MACROD2: variants seen among roughly 807,000 people sequenced by gnomAD.
MACROD2 encodes mono-ADP ribosylhydrolase 2, also known as ADP-ribose glycohydrolase MACROD2.
A neutral mutation model predicts 70.4 loss-of-function variants in MACROD2; 36 were observed. That is an observed-to-expected ratio of 0.51 (90% CI 0.39 to 0.68). The LOEUF (loss-of-function observed/expected upper bound fraction) is 0.68. Among genes scored for constraint, MACROD2 ranks in the 30% least tolerant of loss-of-function variants. The pLI, the probability that MACROD2 is intolerant of heterozygous loss-of-function variation, is 0.00. For missense variants in MACROD2, 496 were observed against 538.4 expected (o/e 0.92, Z 0.78); for synonymous variants, 172 against 178.8 (o/e 0.96, Z 0.30).
At chr20:15,477,422 A>G (rs1373702541) in intron 7 of MACROD2, among the ~76,000 whole-genome samples, 1 of 152,108 alleles carries the variant, frequency 6.6e-6, no homozygotes, top group East Asian at 1.9e-4. Context: ...CAGATTTTTA[A>G]TGAGGTTTTT....
chr20:16,015,364 G>A (rs1375101276), intron 15 of MACROD2, among the ~76,000 whole-genome samples: 1 of 151,984 alleles, frequency 6.6e-6, no homozygotes, highest in Non-Finnish European at 1.5e-5. Flanking sequence ...ACTGATCTGG[G>A]GAATTGGAGG....
intron 10 of MACROD2, among the ~76,000 whole-genome samples, chr20:15,911,502 G>A (rs557851119): frequency 2.0e-5 from 3 of 151,260 alleles, no homozygotes; most frequent in South Asian, 2.1e-4. Flanking sequence ...TCAGGAAAGC[G>A]TTAACACTAC....
chr20:14,018,181 TAATC>T (rs2053020331), intron 2 of MACROD2, among the ~76,000 whole-genome samples: 1 of 152,158 alleles, frequency 6.6e-6, no homozygotes, highest in African/African-American at 2.4e-5. Context: ...CTTATTTTCT[TAATC>T]AATACAGCTA....
At chr20:15,493,180 G>C (rs554416853) in intron 7 of MACROD2, among the ~76,000 whole-genome samples, 2 of 152,134 alleles carry the variant, frequency 1.3e-5, no homozygotes, top group Non-Finnish European at 2.9e-5. Flanking sequence ...TCTCTAGAGC[G>C]CTGCCTTCTT....
Position 15,697,403 on chromosome 20 carries a change from T to C in MACROD2, c.646-165342T>C, listed in dbSNP as rs376714560. The stretch of plus-strand genomic sequence containing the variant: ...GAGTTGAGTTCCAAATTTATTCCAC[T>C]GTGGTCTGAGAGAGTGCTTGCTATA... On this transcript the variant is annotated intron_variant, in intron 8 of 17. Transcript: ENST00000684519. Among the ~76,000 whole-genome samples, 6 of 152,340 alleles carry C rather than the reference T, an allele frequency of 3.9e-5. No individual in the cohort carries two copies. In the East Asian group the frequency reaches 9.6e-4, roughly 24 times the overall value.
At chr20:14,077,670 G>A (rs1021182920) in intron 2 of MACROD2, among the ~76,000 whole-genome samples, 5 of 152,110 alleles carry the variant, frequency 3.3e-5, no homozygotes, top group African/African-American at 1.2e-4. Context: ...AATGTAGGAC[G>A]AAATCTGAAT....
intron 3 of MACROD2, among the ~76,000 whole-genome samples, chr20:14,283,339 T>G (rs1306787225): frequency 6.6e-6 from 1 of 152,206 alleles, no homozygotes; most frequent in African/African-American, 2.4e-5. Context: ...TGTGACATTA[T>G]TGTTCAGTTT....
At chr20:14,629,951 AG>A (rs879283237) in intron 4 of MACROD2, among the ~76,000 whole-genome samples, 10,374 of 135,504 alleles carry the variant, frequency 0.077, 430 homozygotes, top group African/African-American at 0.11. Context: ...TTATGTGCTA[AG>A]GTCTATCTAT....
intron 7 of MACROD2, among the ~76,000 whole-genome samples, chr20:15,474,741 C>A (rs1286239183): frequency 1.3e-5 from 2 of 152,134 alleles, no homozygotes; most frequent in Non-Finnish European, 2.9e-5. Flanking sequence ...GAAAGTAGTT[C>A]GTTCTTAGGG....
rs146672049 is a variant in MACROD2 at position 15,119,645 on chromosome 20, C to G, written c.419-110295C>G. ...GGAGACATCTTAGAACCCATTCTAC[C>G]CATTGTGACCACACATATATAGCAG... On this transcript the variant is annotated intron_variant, in intron 5 of 17. Transcript: ENST00000684519. Among the ~76,000 whole-genome samples, 410 of 152,302 alleles carry G rather than the reference C, an allele frequency of 2.7e-3. 1 individual carries two copies. The highest frequency in any genetic ancestry group is 9.4e-3 in the African/African-American group (389 of 41,574).
intron 4 of MACROD2, among the ~76,000 whole-genome samples, chr20:14,575,017 C>CAAAAAAAAAAAAAAAAAAAAAAA (rs1195216470): frequency 3.0e-4 from 15 of 49,928 alleles, no homozygotes; most frequent in African/African-American, 9.5e-4. Flanking sequence ...GACTCTGTCT[C>CAAAAAAAAAAAAAAAAAAAAAAA]AAAAAAAAAA....
rs563686788 is a variant in MACROD2 at position 14,996,015 on chromosome 20, A to G, written c.419-233925A>G. Among the ~76,000 whole-genome samples, 8 of 152,286 alleles carry G rather than the reference A, an allele frequency of 5.3e-5. No homozygotes were observed. The East Asian group carries it at 1.3e-3, about 26-fold the overall frequency. ...ATAATAGAGAAATTCAATACTGCTG[A>G]TCTTTAGATTCAGTGCAATAAAGAT... On this transcript the variant is annotated intron_variant, in intron 5 of 17. Transcript: ENST00000684519.
intron 8 of MACROD2, among the ~76,000 whole-genome samples, chr20:15,640,040 T>G (rs1424935634): frequency 1.2e-4 from 14 of 112,534 alleles, no homozygotes; most frequent in East Asian, 2.5e-4. Flanking sequence ...AGAAAAGGGG[T>G]GAGAGAAGAA....
intron 6 of MACROD2, among the ~76,000 whole-genome samples, chr20:15,394,823 C>T (rs2045839900): frequency 2.0e-5 from 3 of 152,170 alleles, no homozygotes; most frequent in Admixed American, 2.0e-4. Context: ...TTTGTTATCC[C>T]TGGTTTGTTT....
At chr20:15,642,685 A>G (rs2049479949) in intron 8 of MACROD2, among the ~76,000 whole-genome samples, 1 of 151,908 alleles carries the variant, frequency 6.6e-6, no homozygotes, top group East Asian at 1.9e-4. Context: ...CATAAATAAA[A>G]ATAATCTTTT....
chr20:15,176,014 C>T (rs1248821366), intron 5 of MACROD2, among the ~76,000 whole-genome samples: 10 of 152,248 alleles, frequency 6.6e-5, no homozygotes, highest in African/African-American at 1.9e-4. Flanking sequence ...TGGCCTCTCC[C>T]TGCTCCCAGT....
chr20:14,815,883 C>T (rs187475859), intron 5 of MACROD2, among the ~76,000 whole-genome samples: 33 of 151,952 alleles, frequency 2.2e-4, no homozygotes, highest in Non-Finnish European at 2.9e-4. Context: ...TTTAAAGTGC[C>T]AAATATAAAG....
intron 8 of MACROD2, among the ~76,000 whole-genome samples, chr20:15,571,916 C>A (rs924640257): frequency 1.3e-5 from 2 of 152,112 alleles, no homozygotes; most frequent in African/African-American, 4.8e-5. Context: ...ACTAACATCA[C>A]ATTTACGAAA....
intron 7 of MACROD2, among the ~76,000 whole-genome samples, chr20:15,455,063 T>C (rs16995786): frequency 0.015 from 2,320 of 152,240 alleles, 57 homozygotes; most frequent in African/African-American, 0.052. Context: ...AGAATAGTGG[T>C]TGGACCAAGG....
Sources: gnomAD v4.1 joint callset for allele counts (sites outside exome capture counted in the v4.1 genomes callset) on GRCh38, gnomAD v4.1.1 for gene constraint, MANE v1.5 for transcripts, NCBI Gene and HGNC (gene_info 2026-07-23, HGNC 2026-07-21) for gene names.